The following ARHGAP26 variants were observed in gnomAD, a reference collection of about 807,000 sequenced individuals.
ARHGAP26 encodes Rho GTPase activating protein 26, also known as rho GTPase-activating protein 26.
In ARHGAP26, 38 loss-of-function variants were observed where a neutral mutation model predicts 104.8. The observed-to-expected ratio is 0.36, with a 90% CI of 0.28 to 0.48. The LOEUF is 0.48. Among genes scored for constraint, ARHGAP26 ranks in the 20% least tolerant of loss-of-function variants. The probability of loss-of-function intolerance (pLI) is 0.99; values close to 1 mark genes in which losing one functional copy is unlikely to be tolerated. For synonymous variants in ARHGAP26, 341 were observed against 340.0 expected, an observed-to-expected ratio of 1.00 and a Z score of -0.03; for missense variants, 704 against 947.9, an observed-to-expected ratio of 0.74 and a Z score of 3.38.
intron 1 of ARHGAP26, among the ~76,000 whole-genome samples, chr5:142,864,036 A>G (rs1597973699): frequency 6.6e-6 from 1 of 151,778 alleles, no homozygotes; most frequent in South Asian, 2.1e-4. Context: ...ATCTCCACCC[A>G]CCAGCCCCTA....
chr5:143,054,354 T>C (rs1468192075), intron 14 of ARHGAP26, 85 bp from the exon 15 acceptor site: 3 of 814,292 alleles, frequency 3.7e-6, no homozygotes, highest in African/African-American at 3.5e-5. Flanking sequence ...CTCTAGTTAC[T>C]AGCAAGATTG....
chr5:143,005,428 C>G (rs941289114), intron 11 of ARHGAP26, among the ~76,000 whole-genome samples: 1 of 152,204 alleles, frequency 6.6e-6, no homozygotes, highest in Non-Finnish European at 1.5e-5. Context: ...TTGGGCCAAT[C>G]ATATGTGCAG....
At chr5:142,850,584 ATC>A (rs1751322847) in intron 1 of ARHGAP26, among the ~76,000 whole-genome samples, 1 of 152,208 alleles carries the variant, frequency 6.6e-6, no homozygotes, top group Non-Finnish European at 1.5e-5. Context: ...GTTTCTTAAT[ATC>A]TCTGAGCCTC....
intron 1 of ARHGAP26, among the ~76,000 whole-genome samples, chr5:142,804,943 G>C (rs779668158): frequency 6.6e-6 from 1 of 152,072 alleles, no homozygotes; most frequent in Non-Finnish European, 1.5e-5. Flanking sequence ...ATCATTCAAC[G>C]TATGATTGTT....
intron 1 of ARHGAP26, among the ~76,000 whole-genome samples, chr5:142,788,325 G>T (rs982327287): frequency 6.6e-6 from 1 of 152,172 alleles, no homozygotes; most frequent in East Asian, 1.9e-4. Context: ...TTTAAAACCA[G>T]CTCCCATTTC....
At chr5:143,144,135 G>A (rs1400285079) in intron 19 of ARHGAP26, among the ~76,000 whole-genome samples, 1 of 152,074 alleles carries the variant, frequency 6.6e-6, no homozygotes, top group Non-Finnish European at 1.5e-5. Flanking sequence ...AAGCCCACTA[G>A]CCTATAATTT....
intron 11 of ARHGAP26, among the ~76,000 whole-genome samples, chr5:143,001,176 G>A (rs1362995721): frequency 6.6e-6 from 1 of 152,128 alleles, no homozygotes; most frequent in Non-Finnish European, 1.5e-5. Flanking sequence ...CATGGGGTGT[G>A]TGAGGGGTGG....
intron 20 of ARHGAP26, among the ~76,000 whole-genome samples, chr5:143,156,728 T>C (rs1446234397): frequency 6.6e-6 from 1 of 152,244 alleles, no homozygotes; most frequent in Admixed American, 6.5e-5. Context: ...CCTATGATTG[T>C]CTGTGCAGTG....
At chr5:143,208,069 C>T (rs1276346392) in intron 21 of ARHGAP26, among the ~76,000 whole-genome samples, 5 of 152,232 alleles carry the variant, frequency 3.3e-5, no homozygotes, top group Non-Finnish European at 5.9e-5. Flanking sequence ...TGGGAACAGG[C>T]ACTACCTCTC....
intron 1 of ARHGAP26, among the ~76,000 whole-genome samples, chr5:142,804,741 C>T (rs1762673048): frequency 6.6e-6 from 1 of 152,196 alleles, no homozygotes; most frequent in Admixed American, 6.5e-5. Flanking sequence ...ATCCACCTGC[C>T]TTGGCTTCCC....
chr5:143,218,064 C>T (rs1433191555), intron 22 of ARHGAP26, among the ~76,000 whole-genome samples: 1 of 152,188 alleles, frequency 6.6e-6, no homozygotes, highest in Non-Finnish European at 1.5e-5. Context: ...TCAAATCCAA[C>T]CCGCCACCTG....
intron 14 of ARHGAP26, among the ~76,000 whole-genome samples, chr5:143,043,773 G>C (rs985913661): frequency 1.3e-5 from 2 of 152,160 alleles, no homozygotes; most frequent in Admixed American, 6.5e-5. Flanking sequence ...AAGGAGTCCT[G>C]ATAGGGTGAA....
Position 143,226,916 on chromosome 5 carries a change from G to A in ARHGAP26, c.*4470G>A, listed in dbSNP as rs6891320. 3.2e-3 allele frequency: 719 copies of A among 226,878 alleles called. 3 individuals carry two copies. Among genetic ancestry groups the A allele is most frequent in the African/African-American group, 0.015 (660 of 45,084 alleles). The allele number at this position is 226,878 out of a possible 1,614,324, so 14.1% of individuals were successfully genotyped here. On this transcript the variant is annotated 3_prime_UTR_variant, in exon 23 of 23. Transcript: ENST00000645722. ...GCAGAGTTGTGTGTGCCATACCTGC[G>A]GCTCAAAGGGAAGGCCTTCTATCCC...
chr5:143,130,636 G>A (rs1797223792), intron 18 of ARHGAP26, among the ~76,000 whole-genome samples: 1 of 152,174 alleles, frequency 6.6e-6, no homozygotes, highest in African/African-American at 2.4e-5. Flanking sequence ...AAATGAAATA[G>A]GATTGGAATA....
chr5:142,805,195 C>T (rs1196629096), intron 1 of ARHGAP26, among the ~76,000 whole-genome samples: 2 of 150,972 alleles, frequency 1.3e-5, no homozygotes, highest in Non-Finnish European at 3.0e-5. Context: ...CTCCGCCTCT[C>T]GGGTTCAAGC....
intron 1 of ARHGAP26, among the ~76,000 whole-genome samples, chr5:142,785,961 G>C (rs996999818): frequency 6.6e-6 from 1 of 150,918 alleles, no homozygotes; most frequent in African/African-American, 2.5e-5. Flanking sequence ...GACCAGGGAG[G>C]TGACTGATCC....
intron 20 of ARHGAP26, among the ~76,000 whole-genome samples, chr5:143,175,796 A>G (rs1481213679): frequency 2.0e-5 from 3 of 152,098 alleles, no homozygotes; most frequent in Non-Finnish European, 4.4e-5. Context: ...TTTTCCCTTA[A>G]TTTTTAAATT....
At chr5:142,845,135 A>C (rs1052014603) in intron 1 of ARHGAP26, among the ~76,000 whole-genome samples, 18 of 152,208 alleles carry the variant, frequency 1.2e-4, no homozygotes, top group Non-Finnish European at 2.5e-4. Context: ...CTACGAGAGC[A>C]GGGAAAATCA....
intron 3 of ARHGAP26, among the ~76,000 whole-genome samples, chr5:142,878,523 A>G (rs941679582): frequency 3.5e-5 from 5 of 142,046 alleles, no homozygotes; most frequent in Admixed American, 1.4e-4. Context: ...ACTGATGTGT[A>G]TGTGTGTGTG....
Sources: allele counts gnomAD v4.1 joint callset (sites outside exome capture counted in the v4.1 genomes callset), GRCh38; gene constraint gnomAD v4.1.1; transcripts MANE v1.5; gene names NCBI Gene and HGNC (gene_info 2026-07-23, HGNC 2026-07-21).